CPNE4: variants seen among roughly 807,000 people sequenced by gnomAD.
CPNE4 encodes the protein copine-4.
CPNE4 carries 25 observed loss-of-function variants against 67.9 expected under a neutral mutation model. The observed-to-expected ratio is 0.37, with a 90% CI of 0.27 to 0.51. The LOEUF is 0.51. Among genes scored for constraint, CPNE4 ranks in the 20% least tolerant of loss-of-function variants. CPNE4 has a pLI of 0.93. For synonymous variants in CPNE4, 242 were observed against 244.9 expected (o/e 0.99, Z 0.11); for missense variants, 464 against 690.8 (o/e 0.67, Z 3.68).
intron 2 of CPNE4, among the ~76,000 whole-genome samples, chr3:131,895,276 C>A (rs2088282245): frequency 6.6e-6 from 1 of 151,864 alleles, no homozygotes; most frequent in South Asian, 2.1e-4. Context: ...AGAAGGAATA[C>A]CTTCTGGTGT....
Position 131,832,886 on chromosome 3 carries a change from C to T in CPNE4, c.180+72378G>A, listed in dbSNP as rs147754156. ...TACACAAATTTTGGAGGACCAGGGG[C>T]AGAATGCTATAGACTGACTGCTATA... On this transcript the variant is annotated intron_variant, in intron 2 of 15. Coordinates refer to ENST00000429747, the MANE Select transcript of CPNE4 (RefSeq NM_130808.3). Among the ~76,000 whole-genome samples, 763 of 152,242 alleles carry T rather than the reference C, an allele frequency of 5.0e-3. 6 individuals are homozygous for T. The highest frequency in any genetic ancestry group is 8.3e-3 in the Admixed American group (127 of 15,284).
chr3:131,692,389 T>C (rs1175095789), intron 5 of CPNE4, among the ~76,000 whole-genome samples: 2 of 152,178 alleles, frequency 1.3e-5, no homozygotes, highest in African/African-American at 2.4e-5. Flanking sequence ...TCAATAATTA[T>C]AATTTTCTAT....
At chr3:131,818,405 G>A (rs1180786765) in intron 2 of CPNE4, among the ~76,000 whole-genome samples, 4 of 152,168 alleles carry the variant, frequency 2.6e-5, no homozygotes, top group Admixed American at 1.3e-4. Context: ...ACTAATAGGT[G>A]TGAATTTTTG....
chr3:131,884,550 A>G (rs2087804371), intron 2 of CPNE4, among the ~76,000 whole-genome samples: 2 of 152,166 alleles, frequency 1.3e-5, no homozygotes, highest in Admixed American at 6.5e-5. Flanking sequence ...TGTTTCAGAG[A>G]GCAGGTTCCG....
At chr3:131,753,690 T>C (rs2082684755) in intron 2 of CPNE4, among the ~76,000 whole-genome samples, 1 of 152,124 alleles carries the variant, frequency 6.6e-6, no homozygotes, top group Non-Finnish European at 1.5e-5. Flanking sequence ...AAGTCAGTAA[T>C]GTTCAAGAAA....
intron 2 of CPNE4, among the ~76,000 whole-genome samples, chr3:131,856,807 T>A (rs896562801): frequency 6.6e-6 from 1 of 152,020 alleles, no homozygotes; most frequent in Non-Finnish European, 1.5e-5. Flanking sequence ...CGTGAGGTAA[T>A]TGCTGTTGTC....
chr3:131,731,018 C>T lies in CPNE4; in HGVS notation c.181-7393G>A, dbSNP rs552889754. ...TATATCTCCAAAAAAGCACTCTTCACCCATCAAGCAGTAAAACCTTCAAAT... is the reference window on the plus strand; with the variant it reads ...TATATCTCCAAAAAAGCACTCTTCATCCATCAAGCAGTAAAACCTTCAAAT... On this transcript the variant is annotated intron_variant, in intron 2 of 15. Coordinates refer to ENST00000429747, the MANE Select transcript of CPNE4 (RefSeq NM_130808.3). Among the ~76,000 whole-genome samples, 13 of 152,312 alleles carry T rather than the reference C, an allele frequency of 8.5e-5. No homozygotes were observed. The South Asian group carries it at 2.7e-3, about 32-fold the overall frequency.
intron 11 of CPNE4, among the ~76,000 whole-genome samples, chr3:131,556,340 C>T (rs982239754): frequency 5.9e-5 from 9 of 152,186 alleles, no homozygotes; most frequent in African/African-American, 2.2e-4. Flanking sequence ...TGCACCATTG[C>T]ACTCCAGCCT....
At chr3:131,897,382 A>G (rs2088378837) in intron 2 of CPNE4, among the ~76,000 whole-genome samples, 1 of 152,108 alleles carries the variant, frequency 6.6e-6, no homozygotes, top group African/African-American at 2.4e-5. Context: ...TATGCATGTA[A>G]TGACTTAGCA....
At chr3:131,708,602 C>G (rs1390319964) in intron 3 of CPNE4, among the ~76,000 whole-genome samples, 2 of 152,028 alleles carry the variant, frequency 1.3e-5, no homozygotes, top group Admixed American at 1.3e-4. Flanking sequence ...AATAAACCTT[C>G]TGATGGGACC....
intron 1 of CPNE4, among the ~76,000 whole-genome samples, chr3:131,931,051 G>A (rs1475579696): frequency 1.3e-5 from 2 of 152,022 alleles, no homozygotes; most frequent in Admixed American, 1.3e-4. Flanking sequence ...CTTCATACAG[G>A]AAATATCACT....
chr3:131,771,834 G>A (rs2083174164), intron 2 of CPNE4, among the ~76,000 whole-genome samples: 1 of 152,128 alleles, frequency 6.6e-6, no homozygotes, highest in African/African-American at 2.4e-5. Flanking sequence ...ATGGCTTCAT[G>A]TGCTCCTGGT....
At chr3:131,698,233 C>CAAAAAAAAAAAAAAAAAAAA (rs369274504) in intron 4 of CPNE4, among the ~76,000 whole-genome samples, 71 of 64,426 alleles carry the variant, frequency 1.1e-3, no homozygotes, top group Non-Finnish European at 1.3e-3. Context: ...GGCTCTGTCT[C>CAAAAAAAAAAAAAAAAAAAA]AAAAAAAAAA....
chr3:131,639,456 C>A (rs2079482011), intron 7 of CPNE4, among the ~76,000 whole-genome samples: 2 of 151,910 alleles, frequency 1.3e-5, no homozygotes, highest in Non-Finnish European at 2.9e-5. Flanking sequence ...CTAGATTAAA[C>A]CCGGATGACA....
intron 3 of CPNE4, among the ~76,000 whole-genome samples, chr3:131,718,559 T>C (rs1385444706): frequency 6.6e-6 from 1 of 152,192 alleles, no homozygotes; most frequent in East Asian, 1.9e-4. Flanking sequence ...ATTTCTTTTC[T>C]CTGTTGGTGA....
intron 1 of CPNE4, among the ~76,000 whole-genome samples, chr3:131,978,081 A>ATATT (rs1423222849): frequency 2.7e-5 from 1 of 37,670 alleles, no homozygotes; most frequent in African/African-American, 1.5e-4. Flanking sequence ...ATATATAAAT[A>ATATT]TATATAAATA....
At chr3:131,836,137 T>A (rs1391093139) in intron 2 of CPNE4, among the ~76,000 whole-genome samples, 1 of 152,132 alleles carries the variant, frequency 6.6e-6, no homozygotes, top group Non-Finnish European at 1.5e-5. Context: ...GTGGCGCAGA[T>A]CAGAATAGCA....
At chr3:131,566,955 G>C (rs949018535) in intron 10 of CPNE4, among the ~76,000 whole-genome samples, 5 of 151,930 alleles carry the variant, frequency 3.3e-5, no homozygotes, top group African/African-American at 1.2e-4. Context: ...TCATTGGCAG[G>C]TGTTGCTACT....
chr3:131,748,226 T>C (rs1460095061), intron 2 of CPNE4, among the ~76,000 whole-genome samples: 1 of 152,106 alleles, frequency 6.6e-6, no homozygotes, highest in African/African-American at 2.4e-5. Flanking sequence ...GGCAATGTAA[T>C]AGATTGATTG....
Sources: gnomAD v4.1 joint callset for allele counts (sites outside exome capture counted in the v4.1 genomes callset) on GRCh38, gnomAD v4.1.1 for gene constraint, MANE v1.5 for transcripts, NCBI Gene and HGNC (gene_info 2026-07-23, HGNC 2026-07-21) for gene names.